The following ZFPM2 variants were observed in gnomAD, a reference collection of about 807,000 sequenced individuals.
ZFPM2 encodes zinc finger protein ZFPM2.
Under a neutral mutation model 98.6 loss-of-function variants are expected in ZFPM2, and 20 were observed. That is an observed-to-expected ratio of 0.20 (90% CI 0.14 to 0.29). The LOEUF is 0.29. Ranked by LOEUF, ZFPM2 falls within the 10% of genes least tolerant of loss-of-function variation. The probability of loss-of-function intolerance (pLI) is 1.00; values close to 1 mark genes in which losing one functional copy is unlikely to be tolerated. For synonymous variants in ZFPM2, 518 were observed against 502.7 expected (o/e 1.03, Z -0.41); for missense variants, 1,310 against 1,388.6 (o/e 0.94, Z 0.90).
chr8:105,675,014 A>G (rs925646630), intron 5 of ZFPM2, among the ~76,000 whole-genome samples: 1 of 152,168 alleles, frequency 6.6e-6, no homozygotes, highest in Non-Finnish European at 1.5e-5. Context: ...AAACCCTCAG[A>G]TGATGAAGCC....
chr8:105,649,549 C>T (rs546474421), intron 5 of ZFPM2, among the ~76,000 whole-genome samples: 7 of 152,222 alleles, frequency 4.6e-5, no homozygotes, highest in Admixed American at 1.3e-4. Context: ...TTTTGAGATA[C>T]GTCCCATCAA....
intron 1 of ZFPM2, among the ~76,000 whole-genome samples, chr8:105,385,950 A>C (rs535738538): frequency 6.6e-6 from 1 of 152,220 alleles, no homozygotes; most frequent in Non-Finnish European, 1.5e-5. Flanking sequence ...GCCCACCTCC[A>C]TGTGACCTTG....
chr8:105,801,016 C>T, intron 7 of ZFPM2, 31 bp from the exon 8 acceptor site: 2 of 1,575,654 alleles, frequency 1.3e-6, no homozygotes, highest in Non-Finnish European at 1.7e-6. Flanking sequence ...ACACATGTTT[C>T]TCATTGTTCT....
intron 1 of ZFPM2, among the ~76,000 whole-genome samples, chr8:105,326,125 A>G (rs2130655458): frequency 6.6e-6 from 1 of 151,858 alleles, no homozygotes; most frequent in East Asian, 1.9e-4. Flanking sequence ...ATATTTTCAT[A>G]TTAGCAAATA....
At chr8:105,448,879 C>G (rs1812432311) in intron 3 of ZFPM2, among the ~76,000 whole-genome samples, 2 of 152,056 alleles carry the variant, frequency 1.3e-5, no homozygotes, top group Admixed American at 1.3e-4. Flanking sequence ...ACTTTTCACT[C>G]TGTCCTTTCA....
At chr8:105,386,256 A>G (rs1320297617) in intron 1 of ZFPM2, among the ~76,000 whole-genome samples, 1 of 152,186 alleles carries the variant, frequency 6.6e-6, no homozygotes, top group Non-Finnish European at 1.5e-5. Flanking sequence ...TATACTTAAT[A>G]TGTGCCTTTT....
intron 5 of ZFPM2, among the ~76,000 whole-genome samples, chr8:105,711,111 A>G (rs1811384785): frequency 6.6e-6 from 1 of 152,078 alleles, no homozygotes; most frequent in Admixed American, 6.6e-5. Flanking sequence ...TCTGTGGGCT[A>G]ACGATAGTTT....
intron 3 of ZFPM2, among the ~76,000 whole-genome samples, chr8:105,516,359 AGT>A (rs1190800706): frequency 6.6e-6 from 1 of 152,188 alleles, no homozygotes; most frequent in African/African-American, 2.4e-5. Flanking sequence ...CTGGGAAGGC[AGT>A]GTGTGTGTTG....
chr8:105,561,320 G>C, intron 3 of ZFPM2, 43 bp from the exon 4 acceptor site: 1 of 1,496,104 alleles, frequency 6.7e-7, no homozygotes, highest in Non-Finnish European at 9.3e-7. Context: ...TGCTGATAAA[G>C]TACAAGTAAG....
intron 5 of ZFPM2, among the ~76,000 whole-genome samples, chr8:105,721,820 C>A (rs1363298322): frequency 6.6e-6 from 1 of 151,926 alleles, no homozygotes; most frequent in Non-Finnish European, 1.5e-5. Flanking sequence ...TCATCTCTTG[C>A]CATCTCACAT....
chr8:105,753,921 G>C (rs1390946314), intron 5 of ZFPM2, among the ~76,000 whole-genome samples: 3 of 152,102 alleles, frequency 2.0e-5, no homozygotes, highest in Admixed American at 2.0e-4. Context: ...TATGGTCCTT[G>C]TATCATTGTT....
chr8:105,728,358 A>G (rs1811861005), intron 5 of ZFPM2, among the ~76,000 whole-genome samples: 1 of 151,756 alleles, frequency 6.6e-6, no homozygotes, highest in South Asian at 2.1e-4. Flanking sequence ...AAAACAATTT[A>G]TGCTATGTAC....
At position 105,464,808 on chromosome 8, in the gene ZFPM2, C is replaced by G. The variant is rs529911437; in HGVS notation, c.301+20427C>G. On this transcript the variant is annotated intron_variant, in intron 3 of 7. Coordinates refer to ENST00000407775, the MANE Select transcript of ZFPM2 (RefSeq NM_012082.4). The stretch of plus-strand genomic sequence containing the variant: ...AGTCTGGGCAAACAATGTCTGTGAT[C>G]TGTAGAAGTTCCAACTGTATTGAAA... Among the ~76,000 whole-genome samples, 33 of 152,068 alleles carry G rather than the reference C, an allele frequency of 2.2e-4. 1 individual carries two copies. In the South Asian group the frequency reaches 5.4e-3, roughly 25 times the overall value.
intron 5 of ZFPM2, among the ~76,000 whole-genome samples, chr8:105,648,451 C>T (rs1226786097): frequency 6.6e-6 from 1 of 152,096 alleles, no homozygotes; most frequent in Non-Finnish European, 1.5e-5. Flanking sequence ...AAGTCCTTGC[C>T]CATGCCTATG....
intron 1 of ZFPM2, among the ~76,000 whole-genome samples, chr8:105,347,899 C>T (rs973012348): frequency 6.6e-6 from 1 of 152,112 alleles, no homozygotes; most frequent in African/African-American, 2.4e-5. Flanking sequence ...AACCACCGCT[C>T]CCCACCCCCG....
chr8:105,483,595 A>G (rs1347974792), intron 3 of ZFPM2, among the ~76,000 whole-genome samples: 1 of 152,016 alleles, frequency 6.6e-6, no homozygotes, highest in Non-Finnish European at 1.5e-5. Context: ...ATCTCAAAAA[A>G]AAAAAAAAAT....
chr8:105,538,780 A>G (rs563672645), intron 3 of ZFPM2, among the ~76,000 whole-genome samples: 11 of 152,180 alleles, frequency 7.2e-5, no homozygotes, highest in Non-Finnish European at 1.6e-4. Context: ...AGGTGGCTGC[A>G]GTGGGAAGAT....
At chr8:105,389,169 G>A (rs1811060081) in intron 1 of ZFPM2, among the ~76,000 whole-genome samples, 1 of 151,890 alleles carries the variant, frequency 6.6e-6, no homozygotes, top group African/African-American at 2.4e-5. Context: ...AGGATTGTAG[G>A]AGAAGGCCTA....
intron 5 of ZFPM2, among the ~76,000 whole-genome samples, chr8:105,659,315 A>G (rs924603352): frequency 3.3e-5 from 5 of 152,226 alleles, no homozygotes; most frequent in Admixed American, 3.3e-4. Flanking sequence ...AGTGAACAGC[A>G]ATTGGCTGTT....
Sources: gnomAD v4.1 joint callset for allele counts (sites outside exome capture counted in the v4.1 genomes callset) on GRCh38, gnomAD v4.1.1 for gene constraint, MANE v1.5 for transcripts, NCBI Gene and HGNC (gene_info 2026-07-23, HGNC 2026-07-21) for gene names.